The following SPAG16 variants were observed in gnomAD, a reference collection of about 807,000 sequenced individuals.
The protein encoded by SPAG16 is sperm-associated antigen 16 protein.
SPAG16 carries 86 observed loss-of-function variants against 80.4 expected under a neutral mutation model. The ratio of observed to expected loss-of-function variants is 1.07; its 90% CI spans 0.90 to 1.28. The LOEUF (loss-of-function observed/expected upper bound fraction) is 1.28. SPAG16 is among the 50% of genes most tolerant of loss of function. The pLI, the probability that SPAG16 is intolerant of heterozygous loss-of-function variation, is 0.00. For synonymous variants in SPAG16, 294 were observed against 265.9 expected (o/e 1.11, Z -1.03); for missense variants, 870 against 765.3 (o/e 1.14, Z -1.61).
intron 10 of SPAG16, among the ~76,000 whole-genome samples, chr2:213,742,551 T>TC (rs2067605688): frequency 3.3e-4 from 7 of 21,470 alleles, no homozygotes; most frequent in African/African-American, 4.4e-4. Context: ...TTATTTCTTT[T>TC]TTTTTTTTTT....
chr2:213,403,041 C>A (rs1305982707), intron 9 of SPAG16, among the ~76,000 whole-genome samples: 1 of 151,792 alleles, frequency 6.6e-6, no homozygotes, highest in Admixed American at 6.6e-5. Flanking sequence ...TACAGTCCCA[C>A]CAACAGTGTC....
At chr2:213,413,513 CT>C (rs1258075009) in intron 9 of SPAG16, among the ~76,000 whole-genome samples, 1 of 152,096 alleles carries the variant, frequency 6.6e-6, no homozygotes, top group Non-Finnish European at 1.5e-5. Flanking sequence ...CAATTTAAAA[CT>C]GTCATATGAA....
At chr2:213,796,706 T>G (rs1206846499) in intron 10 of SPAG16, among the ~76,000 whole-genome samples, 1 of 152,116 alleles carries the variant, frequency 6.6e-6, no homozygotes, top group Non-Finnish European at 1.5e-5. Context: ...CTTCTAATCA[T>G]AAAAAAGTAT....
At chr2:213,420,259 A>G (rs560171233) in intron 9 of SPAG16, among the ~76,000 whole-genome samples, 75 of 152,346 alleles carry the variant, frequency 4.9e-4, no homozygotes, top group Non-Finnish European at 9.8e-4. Flanking sequence ...CTGATGATGA[A>G]ATATAAGAAC....
intron 10 of SPAG16, among the ~76,000 whole-genome samples, chr2:213,646,637 G>A (rs778338948): frequency 3.9e-5 from 6 of 152,216 alleles, no homozygotes; most frequent in Admixed American, 6.5e-5. Context: ...AAAAAGACGT[G>A]AGTCCTCTGA....
At chr2:213,694,236 C>T (rs2065068406) in intron 10 of SPAG16, among the ~76,000 whole-genome samples, 1 of 152,070 alleles carries the variant, frequency 6.6e-6, no homozygotes, top group African/African-American at 2.4e-5. Flanking sequence ...CATTTATTAG[C>T]ACAGTAAAAT....
chr2:213,956,216 A>G (rs1185971661), intron 12 of SPAG16, among the ~76,000 whole-genome samples: 1 of 151,822 alleles, frequency 6.6e-6, no homozygotes, highest in Non-Finnish European at 1.5e-5. Context: ...TCGGCCTCCC[A>G]AAAGGCTGTG....
chr2:214,155,377 A>T (rs755136561), intron 15 of SPAG16, among the ~76,000 whole-genome samples: 5 of 152,208 alleles, frequency 3.3e-5, no homozygotes, highest in Admixed American at 6.5e-5. Context: ...GCCTCTTTTC[A>T]TATATGGAGC....
At chr2:213,761,165 C>T (rs2068634877) in intron 10 of SPAG16, among the ~76,000 whole-genome samples, 1 of 152,140 alleles carries the variant, frequency 6.6e-6, no homozygotes, top group African/African-American at 2.4e-5. Context: ...AAACAATACA[C>T]TCTTAAACAA....
intron 12 of SPAG16, among the ~76,000 whole-genome samples, chr2:213,931,241 A>G (rs749884967): frequency 6.6e-6 from 1 of 152,234 alleles, no homozygotes; most frequent in Non-Finnish European, 1.5e-5. Context: ...GATAAGGAGC[A>G]TAACCCACCT....
chr2:214,334,263 G>A (rs1174705554), intron 15 of SPAG16, among the ~76,000 whole-genome samples: 2 of 152,180 alleles, frequency 1.3e-5, no homozygotes, highest in Non-Finnish European at 2.9e-5. Flanking sequence ...TAGATCCTGA[G>A]GGGGGCACAT....
At position 213,331,934 on chromosome 2, in the gene SPAG16, AAAG is replaced by A. The variant is rs535367357; in HGVS notation, c.537-8223_537-8221del. On this transcript the variant is annotated intron_variant, in intron 5 of 15. Coordinates refer to ENST00000331683, the MANE Select transcript of SPAG16 (RefSeq NM_024532.5). ...TTACATAAGTGCCTTTTTCTTCAAA[AAAG>A]AAGAAAAACTTCAAATAAATTACCT... Among the ~76,000 whole-genome samples, 333 of 152,292 alleles carry A rather than the reference AAAG, an allele frequency of 2.2e-3. 2 individuals carry two copies. The highest frequency in any genetic ancestry group is 7.5e-3 in the African/African-American group (311 of 41,580).
chr2:213,757,503 T>C (rs985545281), intron 10 of SPAG16, among the ~76,000 whole-genome samples: 2 of 152,166 alleles, frequency 1.3e-5, no homozygotes, highest in Admixed American at 1.3e-4. Context: ...TATAGAAATA[T>C]GGTGGAGTAG....
At chr2:214,131,164 G>A (rs2054747181) in intron 14 of SPAG16, among the ~76,000 whole-genome samples, 1 of 151,942 alleles carries the variant, frequency 6.6e-6, no homozygotes, top group South Asian at 2.1e-4. Context: ...TCAAACTTCT[G>A]AGAGTTTGAC....
chr2:214,103,602 CAGAA>C (rs773788395), intron 13 of SPAG16, among the ~76,000 whole-genome samples: 22 of 152,082 alleles, frequency 1.4e-4, no homozygotes, highest in Non-Finnish European at 2.4e-4. Context: ...ATAAAGGAAA[CAGAA>C]AGCACAAAGG....
rs534260441 is a variant in SPAG16 at position 213,716,342 on chromosome 2, G to C, written c.1071-146143G>C. On this transcript the variant is annotated intron_variant, in intron 10 of 15. Transcript: ENST00000331683. ...ACAGCTGATGTACAAAATGATGTGA[G>C]AGTATCAGTGAATAATACACAGAAG... Among the ~76,000 whole-genome samples, 14 of 152,264 alleles carry C rather than the reference G, an allele frequency of 9.2e-5. No homozygotes were observed. In the South Asian group the frequency reaches 2.9e-3, roughly 32 times the overall value.
intron 12 of SPAG16, among the ~76,000 whole-genome samples, chr2:213,947,234 A>G (rs2079519490): frequency 6.6e-6 from 1 of 152,160 alleles, no homozygotes; most frequent in Non-Finnish European, 1.5e-5. Context: ...CCTGGGTTGT[A>G]TGTTAAATAT....
chr2:213,866,424 A>G (rs2075685787), intron 11 of SPAG16, among the ~76,000 whole-genome samples: 1 of 152,158 alleles, frequency 6.6e-6, no homozygotes, highest in Non-Finnish European at 1.5e-5. Flanking sequence ...AAATATATAA[A>G]TGATCCGACT....
At chr2:214,358,209 AT>A (rs1698945329) in intron 15 of SPAG16, among the ~76,000 whole-genome samples, 1 of 151,804 alleles carries the variant, frequency 6.6e-6, no homozygotes, top group Non-Finnish European at 1.5e-5. Flanking sequence ...TGGTGTCACC[AT>A]TTGGACATCC....
Sources: allele counts gnomAD v4.1 joint callset (sites outside exome capture counted in the v4.1 genomes callset), GRCh38; gene constraint gnomAD v4.1.1; transcripts MANE v1.5; gene names NCBI Gene and HGNC (gene_info 2026-07-23, HGNC 2026-07-21).